WASF2: variants seen among roughly 807,000 people sequenced by gnomAD.
WASF2 encodes actin-binding protein WASF2.
In WASF2, 14 loss-of-function variants were observed where a neutral mutation model predicts 45.0. That is an observed-to-expected ratio of 0.31 (90% CI 0.21 to 0.49). The LOEUF is 0.49. Among genes scored for constraint, WASF2 ranks in the 20% least tolerant of loss-of-function variants. The pLI, the probability that WASF2 is intolerant of heterozygous loss-of-function variation, is 0.99. For synonymous variants in WASF2, 200 were observed against 236.3 expected (o/e 0.85, Z 1.41); for missense variants, 439 against 636.1 (o/e 0.69, Z 3.33).
chr1:27,418,929 C>A lies in WASF2; in HGVS notation c.265+25G>T, dbSNP rs375126016. ...CTACAAAACTGCTCAGCAGAGCCTG[C>A]AAATGCTGAGCTCAGCTTTCTTACC... On this transcript the variant is annotated intron_variant, in intron 3 of 8. Coordinates refer to ENST00000618852, the MANE Select transcript of WASF2 (RefSeq NM_006990.5). The A allele has an allele frequency of 1.3e-4, 207 of 1,606,782 alleles. 1 individual carries two copies. The East Asian group carries it at 2.3e-3, about 18-fold the overall frequency.
chr1:27,469,541 G>A (rs1232552117), intron 1 of WASF2, among the ~76,000 whole-genome samples: 4 of 152,108 alleles, frequency 2.6e-5, no homozygotes, highest in Admixed American at 6.6e-5. Context: ...GCACAAAGGC[G>A]CTAACATTGT....
intron 1 of WASF2, among the ~76,000 whole-genome samples, chr1:27,461,068 C>T (rs543881677): frequency 2.0e-5 from 3 of 152,176 alleles, no homozygotes; most frequent in African/African-American, 7.2e-5. Context: ...ATGGCGTGAA[C>T]CCGGGAGGCG....
chr1:27,439,765 C>T (rs376517065), intron 1 of WASF2, among the ~76,000 whole-genome samples: 24 of 151,948 alleles, frequency 1.6e-4, no homozygotes, highest in Admixed American at 4.6e-4. Context: ...TTTGGGAGGC[C>T]GAGGTGGAGG....
At chr1:27,478,049 C>T (rs922752881) in intron 1 of WASF2, among the ~76,000 whole-genome samples, 3 of 150,620 alleles carry the variant, frequency 2.0e-5, no homozygotes, top group African/African-American at 7.3e-5. Context: ...ACCAGGAGTT[C>T]AAGACCAACC....
chr1:27,446,687 G>A (rs993322391), intron 1 of WASF2, among the ~76,000 whole-genome samples: 3 of 151,718 alleles, frequency 2.0e-5, no homozygotes, highest in Admixed American at 6.6e-5. Context: ...AGGCTGAGGT[G>A]GGTGGATCGC....
chr1:27,460,556 C>G (rs2017530603), intron 1 of WASF2, among the ~76,000 whole-genome samples: 3 of 152,166 alleles, frequency 2.0e-5, no homozygotes, highest in Admixed American at 2.0e-4. Context: ...CATCAATCAT[C>G]CCAGAGTGAT....
intron 1 of WASF2, among the ~76,000 whole-genome samples, chr1:27,485,762 A>G (rs993924540): frequency 6.6e-6 from 1 of 152,160 alleles, no homozygotes; most frequent in African/African-American, 2.4e-5. Flanking sequence ...CCCAGGCTGG[A>G]GTGCAGTGGC....
At chr1:27,472,015 T>C (rs968263616) in intron 1 of WASF2, among the ~76,000 whole-genome samples, 4 of 152,160 alleles carry the variant, frequency 2.6e-5, no homozygotes, top group Non-Finnish European at 4.4e-5. Flanking sequence ...ACTCTCTTTG[T>C]AGCAACTGGA....
chr1:27,463,984 T>C (rs969858563), intron 1 of WASF2, among the ~76,000 whole-genome samples: 7 of 151,578 alleles, frequency 4.6e-5, no homozygotes, highest in African/African-American at 1.7e-4. Flanking sequence ...TTGGTCAGGC[T>C]GGTCTGGAAC....
At chr1:27,472,650 C>CAAAAAAA (rs1206351562) in intron 1 of WASF2, among the ~76,000 whole-genome samples, 1 of 59,234 alleles carries the variant, frequency 1.7e-5, no homozygotes, top group Non-Finnish European at 3.3e-5. Context: ...ACCCCGTCTC[C>CAAAAAAA]AAAAAAAAAA....
chr1:27,410,541 C>T lies in WASF2; in HGVS notation c.825-335G>A, dbSNP rs141197765. ...TCCAGCTCTAAGGGGAAGGCACCCT[C>T]CCTCCCCTTCCCTAAGAAGGATGGT... On this transcript the variant is annotated intron_variant, in intron 7 of 8. Coordinates refer to ENST00000618852, the MANE Select transcript of WASF2 (RefSeq NM_006990.5). This position sits in a 1 kb window ranked among gnomAD's most constrained non-coding sequence, Gnocchi z 4.2. Among the ~76,000 whole-genome samples the T allele has an allele frequency of 1.2e-3, 180 of 152,304 alleles. No homozygotes were observed. Among genetic ancestry groups the T allele is most frequent in the African/African-American group, 4.2e-3 (174 of 41,564 alleles).
intron 1 of WASF2, among the ~76,000 whole-genome samples, chr1:27,484,691 A>C (rs1330840645): frequency 6.6e-6 from 1 of 151,942 alleles, no homozygotes; most frequent in African/African-American, 2.4e-5. Context: ...GGGCACCTGT[A>C]GTCCCAGCTA....
rs1209619523 is a variant in WASF2 at position 27,477,848 on chromosome 1, G to A, written c.-44+12138C>T. On this transcript the variant is annotated intron_variant, in intron 1 of 8. Transcript: ENST00000618852. The stretch of plus-strand genomic sequence containing the variant: ...CGGGAGGCGGAGCTTGCAGTGAGCC[G>A]AGATCCCGCCACTGCACTCCAGCCT... Among the ~76,000 whole-genome samples, 40 of 126,898 alleles carry A rather than the reference G, an allele frequency of 3.2e-4. 4 individuals carry two copies. The highest frequency in any genetic ancestry group is 1.9e-4 in the Non-Finnish European group (12 of 63,404). 83.3% of individuals were successfully genotyped at this position (126,898 alleles called of 152,430 possible).
At chr1:27,482,170 G>A (rs1387607149) in intron 1 of WASF2, among the ~76,000 whole-genome samples, 1 of 152,178 alleles carries the variant, frequency 6.6e-6, no homozygotes, top group Non-Finnish European at 1.5e-5. Flanking sequence ...CCTTAATGGT[G>A]ACTAAGACAT....
Position 27,449,444 on chromosome 1 carries a change from C to G in WASF2, c.-43-20511G>C, listed in dbSNP as rs140231172. ...TGAAACCCCATCTCTACTAAAAATACAAAAATTAGCTGGGCATGGTGGCGC... is the reference window on the plus strand; with the variant it reads ...TGAAACCCCATCTCTACTAAAAATAGAAAAATTAGCTGGGCATGGTGGCGC... On this transcript the variant is annotated intron_variant, in intron 1 of 8. Coordinates refer to ENST00000618852, the MANE Select transcript of WASF2 (RefSeq NM_006990.5). 2.8e-4 allele frequency among the ~76,000 whole-genome samples: 42 copies of G among 152,058 alleles called. 1 individual carries two copies. In the East Asian group the frequency reaches 8.2e-3, roughly 30 times the overall value.
At chr1:27,468,563 C>G (rs1442020429) in intron 1 of WASF2, among the ~76,000 whole-genome samples, 4 of 151,560 alleles carry the variant, frequency 2.6e-5, no homozygotes, top group Admixed American at 2.6e-4. Flanking sequence ...ATCATTTGAA[C>G]CTGGGGGACA....
intron 1 of WASF2, among the ~76,000 whole-genome samples, chr1:27,431,918 T>C (rs529406939): frequency 6.6e-6 from 1 of 152,364 alleles, no homozygotes; most frequent in East Asian, 1.9e-4. Context: ...AATATGTCAA[T>C]ATCTATTAGG....
intron 1 of WASF2, among the ~76,000 whole-genome samples, chr1:27,450,282 G>A (rs2017367170): frequency 6.6e-6 from 1 of 152,152 alleles, no homozygotes; most frequent in South Asian, 2.1e-4. Context: ...GCCAAGAAGA[G>A]AAATTTCCAA....
intron 1 of WASF2, among the ~76,000 whole-genome samples, chr1:27,468,936 A>G: frequency 6.6e-6 from 1 of 152,002 alleles, no homozygotes; most frequent in Middle Eastern, 3.4e-3. Flanking sequence ...AAAAAAAAAA[A>G]AAAAGGAGAC....
Sources: allele counts gnomAD v4.1 joint callset (sites outside exome capture counted in the v4.1 genomes callset), GRCh38; gene constraint gnomAD v4.1.1; non-coding constraint Gnocchi (gnomAD v3.1); transcripts MANE v1.5; gene names NCBI Gene and HGNC (gene_info 2026-07-23, HGNC 2026-07-21).